The following ATG4B variants were observed in gnomAD, a reference collection of about 807,000 sequenced individuals.
ATG4B encodes the protein autophagy related 4B cysteine peptidase.
Under a neutral mutation model 56.6 loss-of-function variants are expected in ATG4B, and 29 were observed. The observed-to-expected ratio is 0.51, with a 90% CI of 0.38 to 0.70. The LOEUF is 0.70. Ranked by LOEUF, ATG4B falls within the 30% of genes least tolerant of loss-of-function variation. The pLI is 0.00. For missense variants in ATG4B, 461 were observed against 515.5 expected (o/e 0.89, Z 1.02); for synonymous variants, 224 against 206.1 (o/e 1.09, Z -0.74).
intron 12 of ATG4B, chr2:241,671,876 C>T: frequency 1.5e-6 from 2 of 1,306,154 alleles, no homozygotes; most frequent in South Asian, 3.5e-5. Context: ...CTGTGGGAAA[C>T]TCTACAAACA....
At chr2:241,645,962 A>G (rs1182370241) in intron 1 of ATG4B, among the ~76,000 whole-genome samples, 49 of 151,052 alleles carry the variant, frequency 3.2e-4, no homozygotes, top group African/African-American at 1.1e-3. Flanking sequence ...TGGCTGCGCC[A>G]CTCCTGTTCA....
chr2:241,673,457 CGCTGCT>C lies in ATG4B; in HGVS notation c.*1206_*1211del, dbSNP rs77925329. ...CAGCTACTGCGGCGTTGGCAGGACTCGCTGCTGCTGCTGCTGCTTGTGTAGGTCGGG... is the reference window on the plus strand; with the variant it reads ...CAGCTACTGCGGCGTTGGCAGGACTCGCTGCTGCTGCTTGTGTAGGTCGGG... On this transcript the variant is annotated 3_prime_UTR_variant, in exon 13 of 13. Coordinates refer to ENST00000404914, the MANE Select transcript of ATG4B (RefSeq NM_013325.5). 5.2e-6 allele frequency: 2 copies of C among 385,388 alleles called. No individual in the cohort carries two copies. Among genetic ancestry groups the C allele is most frequent in the Non-Finnish European group, 1.1e-5 (2 of 187,814 alleles). The allele number at this position is 385,388 out of a possible 1,614,324, so 23.9% of individuals were successfully genotyped here.
intron 10 of ATG4B, 179 bp from the exon 11 acceptor site, chr2:241,670,547 A>G (rs2068932163): frequency 3.1e-6 from 2 of 652,340 alleles, no homozygotes; most frequent in Admixed American, 2.4e-5. Context: ...GCAGGGGACC[A>G]TGCACAGGGC....
chr2:241,655,344 G>A lies in ATG4B; in HGVS notation c.458+1G>A, dbSNP rs1270579797. 2 of 1,606,888 alleles carry A rather than the reference G, an allele frequency of 1.2e-6. No homozygotes were observed. The highest frequency in any genetic ancestry group is 1.7e-6 in the Non-Finnish European group (2 of 1,176,640). The stretch of plus-strand genomic sequence containing the variant: ...CCAACACTGTCGCCCAGGTCCTGAA[G>A]TATGTACTGCGCTTCCACTGCTGAG... On this transcript the variant is annotated splice_donor_variant, in intron 6 of 12. Coordinates refer to ENST00000404914, the MANE Select transcript of ATG4B (RefSeq NM_013325.5). LOFTEE classifies it high-confidence loss of function.
chr2:241,673,316 G>C lies in ATG4B; in HGVS notation c.*1052G>C, dbSNP rs953282404. ...CTGACCCTGTGTAACCTGCTGTCCC[G>C]GGTCCCAGAGTGCACTCTGCCCCGC... On this transcript the variant is annotated 3_prime_UTR_variant, in exon 13 of 13. Transcript: ENST00000404914. The C allele has an allele frequency of 1.1e-5, 4 of 348,006 alleles. No individual in the cohort carries two copies. In the Admixed American group the frequency reaches 1.5e-4, roughly 13 times the overall value. The allele number at this position is 348,006 out of a possible 1,614,324, so 21.6% of individuals were successfully genotyped here.
chr2:241,671,107 C>G (rs942615220), intron 11 of ATG4B, among the ~76,000 whole-genome samples: 3 of 152,218 alleles, frequency 2.0e-5, no homozygotes, highest in East Asian at 3.8e-4. Flanking sequence ...GGCCCACCCC[C>G]CTCTGCCGTG....
intron 10 of ATG4B, among the ~76,000 whole-genome samples, chr2:241,670,361 C>T (rs2068924070): frequency 6.6e-6 from 1 of 152,102 alleles, no homozygotes; most frequent in Non-Finnish European, 1.5e-5. Context: ...AAGGCTGAGA[C>T]CCAGCGGCCC....
At chr2:241,643,412 G>A (rs2067962016) in intron 1 of ATG4B, among the ~76,000 whole-genome samples, 1 of 128,418 alleles carries the variant, frequency 7.8e-6, no homozygotes, top group Non-Finnish European at 1.6e-5. Context: ...TCCCTGTATT[G>A]CCCAGGCTGG....
rs1413241026 is a variant in ATG4B, at chr2:241,668,227, T to G, written c.811+6T>G. On this transcript the variant is annotated splice_donor_region_variant and intron_variant, in intron 9 of 12. Coordinates refer to ENST00000404914, the MANE Select transcript of ATG4B (RefSeq NM_013325.5). The surrounding 1 kb of genome is among the most constrained non-coding windows in gnomAD (Gnocchi z 4.2). ...CTACTTCATCGGCTACGTTGGTGAG[T>G]CCAGGGTTCCCACCGTGTCCCTGTG... 6.3e-7 allele frequency: 1 copy of G among 1,595,458 alleles called. No individual in the cohort carries two copies. The highest frequency in any genetic ancestry group is 8.5e-7 in the Non-Finnish European group (1 of 1,171,612).
At chr2:241,670,336 G>C (rs1307635206) in intron 10 of ATG4B, among the ~76,000 whole-genome samples, 1 of 152,090 alleles carries the variant, frequency 6.6e-6, no homozygotes, top group East Asian at 1.9e-4. Flanking sequence ...CAAGCTTCCA[G>C]GGAGCTGCTG....
intron 12 of ATG4B, 47 bp downstream of exon 12, chr2:241,671,452 T>A: frequency 6.2e-7 from 1 of 1,602,914 alleles, no homozygotes. Flanking sequence ...GTACGATCTG[T>A]GCCCTTGCTT....
At chr2:241,639,154 A>G (rs2067801642) in intron 1 of ATG4B, among the ~76,000 whole-genome samples, 1 of 152,210 alleles carries the variant, frequency 6.6e-6, no homozygotes, top group Non-Finnish European at 1.5e-5. Flanking sequence ...GGGTCCCGCC[A>G]GCTGTTTCAA....
intron 1 of ATG4B, among the ~76,000 whole-genome samples, chr2:241,647,396 A>T (rs1003139292): frequency 1.3e-5 from 2 of 151,318 alleles, no homozygotes; most frequent in East Asian, 2.0e-4. Context: ...AGGCGGGAGG[A>T]TCATGAGGTC....
chr2:241,640,094 A>G (rs1051747823), intron 1 of ATG4B, among the ~76,000 whole-genome samples: 1 of 152,216 alleles, frequency 6.6e-6, no homozygotes, highest in Non-Finnish European at 1.5e-5. Context: ...AACACGGTTC[A>G]GTGTCGATCA....
At chr2:241,670,534 G>T in intron 10 of ATG4B, 192 bp from the exon 11 acceptor site, 2 of 619,856 alleles carry the variant, frequency 3.2e-6, no homozygotes, top group Non-Finnish European at 2.9e-6. Context: ...GCCGGGCACT[G>T]GTGCAGGGGA....
Position 241,659,284 on chromosome 2 carries a change from T to C in ATG4B, c.538+97T>C, listed in dbSNP as rs1414078373. On this transcript the variant is annotated intron_variant, in intron 7 of 12. Transcript: ENST00000404914. ...TCCCCACGGGAGCCTCGGCGAGTGT[T>C]GTCAGTCGCCCCATGCCGTGCAGGT... is the stretch of plus-strand genomic sequence containing the variant. The C allele has an allele frequency of 4.5e-6, 5 of 1,100,110 alleles. No individual in the cohort carries two copies. In the African/African-American group the frequency reaches 6.2e-5, roughly 14 times the overall value. The allele number at this position is 1,100,110 out of a possible 1,614,324, so 68.1% of individuals were successfully genotyped here.
In ATG4B at chr2:241,651,224, G is replaced by A. The variant is rs748540120; in HGVS notation, c.113-40G>A. The A allele has an allele frequency of 3.4e-5, 53 of 1,559,832 alleles. No homozygotes were observed. Among genetic ancestry groups the A allele is most frequent in the African/African-American group, 6.8e-5 (5 of 73,622 alleles). On this transcript the variant is annotated intron_variant, in intron 2 of 12. Transcript: ENST00000404914. This position sits in a 1 kb window ranked among gnomAD's most constrained non-coding sequence, Gnocchi z 4.1. Reference sequence around the variant, plus strand: ...AACTTGTGACTTGCAAACTTAAGGCGTTGTGTGTGTGTGTTTTTTTTCTTT... The same window carrying A: ...AACTTGTGACTTGCAAACTTAAGGCATTGTGTGTGTGTGTTTTTTTTCTTT...
chr2:241,670,464 A>C (rs1257762772), intron 10 of ATG4B: 1 of 562,028 alleles, frequency 1.8e-6, no homozygotes, highest in African/African-American at 1.9e-5. Context: ...TGAGAGATGC[A>C]CACCACGTAA....
intron 6 of ATG4B, among the ~76,000 whole-genome samples, chr2:241,655,699 C>T (rs1236583008): frequency 6.6e-6 from 1 of 152,136 alleles, no homozygotes; most frequent in African/African-American, 2.4e-5. Flanking sequence ...GGAGGCTGCC[C>T]TCCGCGGGCC....
Sources: gnomAD v4.1 joint callset for allele counts (sites outside exome capture counted in the v4.1 genomes callset) on GRCh38, gnomAD v4.1.1 for gene constraint, Gnocchi (gnomAD v3.1) non-coding constraint, MANE v1.5 for transcripts, NCBI Gene and HGNC (gene_info 2026-07-23, HGNC 2026-07-21) for gene names.